Variants in SPATA17 observed in about 807,000 individuals in gnomAD.
SPATA17 encodes spermatogenesis associated 17.
A neutral mutation model predicts 62.2 loss-of-function variants in SPATA17; 53 were observed. The observed-to-expected ratio is 0.85, with a 90% CI of 0.68 to 1.07. The LOEUF (loss-of-function observed/expected upper bound fraction) is 1.07, where lower values mean the gene tolerates loss of function less well. Among genes scored for constraint, SPATA17 ranks in the 50% least tolerant of loss-of-function variants. SPATA17 has a pLI of 0.00. For missense variants in SPATA17, 466 were observed against 425.5 expected, an observed-to-expected ratio of 1.10 and a Z score of -0.84; for synonymous variants, 146 against 146.8, an observed-to-expected ratio of 0.99 and a Z score of 0.04.
At chr1:217,838,162 C>T (rs1285429296) in intron 9 of SPATA17, among the ~76,000 whole-genome samples, 1 of 152,008 alleles carries the variant, frequency 6.6e-6, no homozygotes, top group Non-Finnish European at 1.5e-5. Flanking sequence ...AATGTGGCTA[C>T]TAGAAAAATA....
At chr1:217,670,432 C>A (rs1670807012) in intron 4 of SPATA17, among the ~76,000 whole-genome samples, 1 of 152,166 alleles carries the variant, frequency 6.6e-6, no homozygotes, top group African/African-American at 2.4e-5. Context: ...ATATTGAGTT[C>A]TGGTCTGGCT....
intron 5 of SPATA17, among the ~76,000 whole-genome samples, chr1:217,706,539 ACGTT>A (rs1266715592): frequency 1.3e-5 from 2 of 152,200 alleles, no homozygotes; most frequent in African/African-American, 4.8e-5. Context: ...GTGCTCTCAC[ACGTT>A]CTTGCTCTTG....
intron 9 of SPATA17, among the ~76,000 whole-genome samples, chr1:217,827,178 T>C (rs11117944): frequency 0.22 from 33,395 of 151,948 alleles, 4,065 homozygotes; most frequent in African/African-American, 0.31. Flanking sequence ...TTTATTAACA[T>C]GAATTCATTT....
intron 8 of SPATA17, among the ~76,000 whole-genome samples, chr1:217,787,623 C>A (rs938603314): frequency 6.6e-6 from 1 of 152,078 alleles, no homozygotes; most frequent in African/African-American, 2.4e-5. Context: ...TTGTAAAAAC[C>A]TTAAACACTA....
chr1:217,841,149 G>T (rs1283887428), intron 9 of SPATA17, among the ~76,000 whole-genome samples: 1 of 151,810 alleles, frequency 6.6e-6, no homozygotes, highest in Non-Finnish European at 1.5e-5. Flanking sequence ...AAGCATCTAT[G>T]AAACAATATG....
intron 6 of SPATA17, among the ~76,000 whole-genome samples, chr1:217,757,203 T>TC (rs910724096): frequency 4.6e-5 from 7 of 152,080 alleles, no homozygotes; most frequent in Admixed American, 2.0e-4. Context: ...AATACATAAA[T>TC]CCCCTTTTTC....
intron 5 of SPATA17, among the ~76,000 whole-genome samples, chr1:217,705,255 G>GT (rs1671705334): frequency 6.6e-6 from 1 of 151,254 alleles, no homozygotes; most frequent in Non-Finnish European, 1.5e-5. Flanking sequence ...GGGATTGTTT[G>GT]TTTTTTCCTT....
intron 5 of SPATA17, among the ~76,000 whole-genome samples, chr1:217,686,724 T>A (rs1303238654): frequency 1.3e-5 from 2 of 152,176 alleles, no homozygotes; most frequent in Non-Finnish European, 2.9e-5. Context: ...TAACTTTTTG[T>A]TTTTTAATTT....
intron 7 of SPATA17, among the ~76,000 whole-genome samples, chr1:217,777,157 T>C (rs1458916319): frequency 6.6e-6 from 1 of 152,186 alleles, no homozygotes; most frequent in East Asian, 1.9e-4. Context: ...CCCACTTTAC[T>C]GTAATTATTT....
intron 6 of SPATA17, among the ~76,000 whole-genome samples, chr1:217,753,059 C>A (rs1672954923): frequency 6.6e-6 from 1 of 152,162 alleles, no homozygotes; most frequent in African/African-American, 2.4e-5. Flanking sequence ...CCACCCAACC[C>A]ACGGGGAAGT....
At chr1:217,631,536 G>A in intron 1 of SPATA17, 90 bp downstream of exon 1, 1 of 1,357,362 alleles carries the variant, frequency 7.4e-7, no homozygotes, top group Non-Finnish European at 1.1e-6. Context: ...ACGATTTAAC[G>A]ATTACCCTAA....
chr1:217,755,254 T>C (rs1673012669), intron 6 of SPATA17, among the ~76,000 whole-genome samples: 1 of 152,082 alleles, frequency 6.6e-6, no homozygotes, highest in African/African-American at 2.4e-5. Context: ...AATAATCTTG[T>C]CAATTGCTGT....
At chr1:217,701,137 G>A (rs1409119070) in intron 5 of SPATA17, among the ~76,000 whole-genome samples, 1 of 148,668 alleles carries the variant, frequency 6.7e-6, no homozygotes, top group East Asian at 2.1e-4. Context: ...ACCACGCCTA[G>A]CTAGTTTTTG....
At chr1:217,686,755 T>C (rs1055624921) in intron 5 of SPATA17, among the ~76,000 whole-genome samples, 5 of 152,222 alleles carry the variant, frequency 3.3e-5, no homozygotes, top group Admixed American at 2.6e-4. Flanking sequence ...AGTCACGCCC[T>C]GTTGCCCAGT....
chr1:217,787,073 C>A (rs1673889785), intron 8 of SPATA17, among the ~76,000 whole-genome samples: 1 of 152,062 alleles, frequency 6.6e-6, no homozygotes, highest in Non-Finnish European at 1.5e-5. Context: ...TCTCCTCCAG[C>A]ATCATCCATA....
chr1:217,648,578 A>G (rs1241786669), intron 1 of SPATA17, among the ~76,000 whole-genome samples: 3 of 152,230 alleles, frequency 2.0e-5, no homozygotes, highest in Non-Finnish European at 4.4e-5. Flanking sequence ...TCAAAATAAC[A>G]CATTTCTTAC....
At position 217,631,377 on chromosome 1, in the gene SPATA17, C is replaced by A; in HGVS notation, c.-2C>A. On this transcript the variant is annotated 5_prime_UTR_variant, in exon 1 of 11. Transcript: ENST00000366933. The stretch of plus-strand genomic sequence containing the variant: ...CAGTTGTAAACCCAAGGCCAAGAGA[C>A]CATGGCCACGTTAGCCCGGCTGCAA... 6.2e-7 allele frequency: 1 copy of A among 1,614,074 alleles called. No individual in the cohort carries two copies. The highest frequency in any genetic ancestry group is 8.5e-7 in the Non-Finnish European group (1 of 1,180,002).
chr1:217,842,081 G>T (rs1345386110), intron 9 of SPATA17, among the ~76,000 whole-genome samples: 1 of 151,768 alleles, frequency 6.6e-6, no homozygotes, highest in Non-Finnish European at 1.5e-5. Flanking sequence ...TCTATGAGAT[G>T]ATCATGTGAT....
At chr1:217,636,465 G>GT (rs1158632198) in intron 1 of SPATA17, among the ~76,000 whole-genome samples, 2 of 152,112 alleles carry the variant, frequency 1.3e-5, no homozygotes, top group African/African-American at 4.8e-5. Context: ...CCAGGCTGGA[G>GT]TGCAGTGGCG....
Sources: gnomAD v4.1 joint callset for allele counts (sites outside exome capture counted in the v4.1 genomes callset) on GRCh38, gnomAD v4.1.1 for gene constraint, MANE v1.5 for transcripts, NCBI Gene and HGNC (gene_info 2026-07-23, HGNC 2026-07-21) for gene names.